Variants in GLI3 observed in about 807,000 individuals in gnomAD.
The protein encoded by GLI3 is transcription activator GLI3.
In GLI3, 20 loss-of-function variants were observed where a neutral mutation model predicts 100.8. The observed-to-expected ratio is 0.20, with a 90% CI of 0.14 to 0.29. The LOEUF is 0.29. GLI3 is among the 10% of genes least tolerant of loss of function. The pLI, the probability that GLI3 is intolerant of heterozygous loss-of-function variation, is 1.00. For synonymous variants in GLI3, 938 were observed against 860.5 expected, an observed-to-expected ratio of 1.09 and a Z score of -1.58; for missense variants, 2,040 against 2,128.5, an observed-to-expected ratio of 0.96 and a Z score of 0.82.
intron 3 of GLI3, among the ~76,000 whole-genome samples, chr7:42,131,880 C>T (rs2128777436): frequency 6.6e-6 from 1 of 152,138 alleles, no homozygotes; most frequent in Non-Finnish European, 1.5e-5. Flanking sequence ...TTTCTCATTT[C>T]AAAGTCAATA....
chr7:42,141,981 G>C (rs1332510290), intron 3 of GLI3, among the ~76,000 whole-genome samples: 1 of 152,108 alleles, frequency 6.6e-6, no homozygotes, highest in Non-Finnish European at 1.5e-5. Context: ...TCCTACCCTA[G>C]GAGTTTTGGT....
chr7:42,144,874 A>C (rs1433729950), intron 3 of GLI3, among the ~76,000 whole-genome samples: 1 of 152,132 alleles, frequency 6.6e-6, no homozygotes, highest in Non-Finnish European at 1.5e-5. Flanking sequence ...TTTTCTTTTG[A>C]CCGGCTCAGC....
intron 2 of GLI3, 35 bp from the exon 3 acceptor site, chr7:42,148,503 C>T (rs778448021): frequency 3.4e-5 from 54 of 1,595,810 alleles, no homozygotes; most frequent in Non-Finnish European, 4.6e-5. Context: ...ACTCTGTAAA[C>T]TACTTTAAGG....
At chr7:42,153,800 A>G (rs958416723) in intron 2 of GLI3, among the ~76,000 whole-genome samples, 4 of 152,154 alleles carry the variant, frequency 2.6e-5, no homozygotes, top group Admixed American at 2.6e-4. Flanking sequence ...ACAAGCAAAC[A>G]TCTTCCCCAT....
At chr7:41,985,130 A>G (rs1013238198) in intron 10 of GLI3, among the ~76,000 whole-genome samples, 1 of 152,244 alleles carries the variant, frequency 6.6e-6, no homozygotes, top group Non-Finnish European at 1.5e-5. Flanking sequence ...TGTATTTCCA[A>G]TTCATGCCTT....
intron 2 of GLI3, among the ~76,000 whole-genome samples, chr7:42,212,864 G>A (rs1788296917): frequency 6.6e-6 from 1 of 152,164 alleles, no homozygotes; most frequent in African/African-American, 2.4e-5. Flanking sequence ...TTCCTTCAAG[G>A]GGAACAGAGA....
intron 7 of GLI3, among the ~76,000 whole-genome samples, chr7:42,037,964 G>C (rs1437325256): frequency 6.6e-6 from 1 of 152,178 alleles, no homozygotes; most frequent in African/African-American, 2.4e-5. Flanking sequence ...TCCTTTAGAT[G>C]CTGTAAAAAG....
At chr7:42,039,157 A>G (rs1043761460) in intron 7 of GLI3, among the ~76,000 whole-genome samples, 1 of 152,232 alleles carries the variant, frequency 6.6e-6, no homozygotes, top group Admixed American at 6.5e-5. Context: ...TTAGAGTACT[A>G]TCTAATTCTA....
intron 3 of GLI3, among the ~76,000 whole-genome samples, chr7:42,117,927 GGC>G (rs1372608134): frequency 1.3e-5 from 2 of 152,118 alleles, no homozygotes; most frequent in African/African-American, 4.8e-5. Flanking sequence ...ATGGAAGGAC[GGC>G]ACCATAGTTA....
intron 2 of GLI3, among the ~76,000 whole-genome samples, chr7:42,171,386 T>G (rs1469037261): frequency 1.3e-5 from 2 of 152,180 alleles, no homozygotes; most frequent in Admixed American, 6.5e-5. Flanking sequence ...TAAAAAGAAT[T>G]TCCAACTCCC....
intron 2 of GLI3, among the ~76,000 whole-genome samples, chr7:42,153,100 C>A (rs1786914982): frequency 6.6e-6 from 1 of 152,172 alleles, no homozygotes; most frequent in African/African-American, 2.4e-5. Flanking sequence ...AAGAAACAGG[C>A]TAATGGTGAA....
chr7:41,982,247 G>A (rs1425993372), intron 10 of GLI3, among the ~76,000 whole-genome samples: 6 of 152,176 alleles, frequency 3.9e-5, no homozygotes, highest in South Asian at 2.1e-4. Context: ...ATGCTGCACA[G>A]AGGATGTAAT....
At chr7:42,134,467 T>G (rs1249895571) in intron 3 of GLI3, among the ~76,000 whole-genome samples, 3 of 152,076 alleles carry the variant, frequency 2.0e-5, no homozygotes, top group African/African-American at 7.2e-5. Flanking sequence ...ACATGCCAAA[T>G]GCAACTTTTA....
chr7:42,125,568 G>A (rs1786105651), intron 3 of GLI3, among the ~76,000 whole-genome samples: 1 of 152,158 alleles, frequency 6.6e-6, no homozygotes, highest in Non-Finnish European at 1.5e-5. Context: ...TGACCTCCTT[G>A]AGCTGAGATC....
At chr7:42,151,524 T>G (rs916454163) in intron 2 of GLI3, 1 of 152,204 alleles carries the variant, frequency 6.6e-6, no homozygotes, top group East Asian at 1.9e-4. Flanking sequence ...CTGTCCACCA[T>G]GGCAACAGGC....
chr7:42,230,769 A>G (rs1335850824), intron 1 of GLI3, among the ~76,000 whole-genome samples: 1 of 152,220 alleles, frequency 6.6e-6, no homozygotes, highest in Non-Finnish European at 1.5e-5. Flanking sequence ...TAGGCACTGC[A>G]GGAAGCAGCA....
chr7:42,098,317 G>A (rs1490117370), intron 3 of GLI3, among the ~76,000 whole-genome samples: 1 of 151,996 alleles, frequency 6.6e-6, no homozygotes, highest in Non-Finnish European at 1.5e-5. Context: ...ACTGACCCAC[G>A]CTAACGGAAA....
chr7:41,969,142 G>A lies in GLI3; in HGVS notation c.2104-1219C>T, dbSNP rs1399992460. Among the ~76,000 whole-genome samples the A allele has an allele frequency of 4.6e-5, 7 of 152,236 alleles. No homozygotes were observed. The East Asian group carries it at 1.2e-3, about 25-fold the overall frequency. ...GCGGTGTCCTGGTTGATAAACAGTC[G>A]AATCCTTTTTGTACAGATAAGAAAA... is the stretch of plus-strand genomic sequence containing the variant. On this transcript the variant is annotated intron_variant, in intron 13 of 14. Coordinates refer to ENST00000395925, the MANE Select transcript of GLI3 (RefSeq NM_000168.6).
chr7:41,967,449 C>A, intron 14 of GLI3, 147 bp downstream of exon 14: 1 of 697,336 alleles, frequency 1.4e-6, no homozygotes. Flanking sequence ...TCCCAAAAGG[C>A]AACTTGAATG....
Sources: gnomAD v4.1 joint callset for allele counts (sites outside exome capture counted in the v4.1 genomes callset) on GRCh38, gnomAD v4.1.1 for gene constraint, MANE v1.5 for transcripts, NCBI Gene and HGNC (gene_info 2026-07-23, HGNC 2026-07-21) for gene names.